The following CACNB2 variants were observed in gnomAD, a reference collection of about 807,000 sequenced individuals.
The protein encoded by CACNB2 is calcium voltage-gated channel auxiliary subunit beta 2, also known as voltage-dependent L-type calcium channel subunit beta-2.
Under a neutral mutation model 73.3 loss-of-function variants are expected in CACNB2, and 42 were observed. That is an observed-to-expected ratio of 0.57 (90% confidence interval 0.45 to 0.74). CACNB2 has a LOEUF of 0.74. CACNB2 is among the 30% of genes least tolerant of loss of function. CACNB2 has a pLI of 0.00. For missense variants in CACNB2, 940 were observed against 853.0 expected, an observed-to-expected ratio of 1.10 and a Z score of -1.27; for synonymous variants, 348 against 310.3, an observed-to-expected ratio of 1.12 and a Z score of -1.28.
At chr10:18,380,602 G>A (rs931899209) in intron 2 of CACNB2, among the ~76,000 whole-genome samples, 7 of 151,472 alleles carry the variant, frequency 4.6e-5, no homozygotes, top group African/African-American at 1.2e-4. Flanking sequence ...CTATAGGCAC[G>A]TGCCACCACG....
intron 2 of CACNB2, among the ~76,000 whole-genome samples, chr10:18,251,302 T>C (rs1389612955): frequency 6.6e-6 from 1 of 152,034 alleles, no homozygotes; most frequent in African/African-American, 2.4e-5. Flanking sequence ...TGGAATGTGA[T>C]GGCATGATCT....
Position 18,541,277 on chromosome 10 carries a change from T to C in CACNB2, c.*1553T>C, listed in dbSNP as rs1490354589. ...CAGAAGAAATCAGGGCAAAATGGGG[T>C]GACTTGAAGTGAATAAAATGTTAAG... On this transcript the variant is annotated 3_prime_UTR_variant, in exon 14 of 14. Transcript: ENST00000324631. 1 of 152,580 alleles carries C rather than the reference T, an allele frequency of 6.6e-6. No individual in the cohort carries two copies. Among genetic ancestry groups the C allele is most frequent in the South Asian group, 2.1e-4 (1 of 4,818 alleles). The allele number at this position is 152,580 out of a possible 1,614,324, so 9.5% of individuals were successfully genotyped here.
At chr10:18,187,003 T>C (rs890177455) in intron 2 of CACNB2, among the ~76,000 whole-genome samples, 4 of 152,114 alleles carry the variant, frequency 2.6e-5, no homozygotes, top group South Asian at 2.1e-4. Context: ...TGAATTAAAA[T>C]AAGCCCATGG....
intron 2 of CACNB2, among the ~76,000 whole-genome samples, chr10:18,346,549 C>T (rs991033851): frequency 2.0e-5 from 3 of 152,020 alleles, no homozygotes; most frequent in Non-Finnish European, 2.9e-5. Flanking sequence ...TTTCCTTCAA[C>T]CTTTGTTCAG....
At chr10:18,241,625 TG>T (rs1486677658) in intron 2 of CACNB2, among the ~76,000 whole-genome samples, 1 of 151,434 alleles carries the variant, frequency 6.6e-6, no homozygotes, top group Non-Finnish European at 1.5e-5. Context: ...AAGAGGTACA[TG>T]GGAAACAAAA....
At chr10:18,146,779 C>A (rs2131009201) in intron 1 of CACNB2, among the ~76,000 whole-genome samples, 1 of 152,260 alleles carries the variant, frequency 6.6e-6, no homozygotes, top group African/African-American at 2.4e-5. Context: ...AGCCACTGTG[C>A]CCAGCCTAAC....
At chr10:18,200,260 C>G (rs1288293738) in intron 2 of CACNB2, among the ~76,000 whole-genome samples, 1 of 149,776 alleles carries the variant, frequency 6.7e-6, no homozygotes. Flanking sequence ...ATTAATTATA[C>G]TCAAAAAAAA....
At chr10:18,484,202 T>A (rs1174477591) in intron 3 of CACNB2, among the ~76,000 whole-genome samples, 1 of 152,160 alleles carries the variant, frequency 6.6e-6, no homozygotes, top group African/African-American at 2.4e-5. Context: ...AAGACCAGCC[T>A]GGTCAACATG....
chr10:18,510,729 G>T (rs1449514784), intron 6 of CACNB2, among the ~76,000 whole-genome samples: 1 of 152,144 alleles, frequency 6.6e-6, no homozygotes, highest in Non-Finnish European at 1.5e-5. Context: ...ACATCCAACT[G>T]GTTATCTTCA....
At chr10:18,284,288 C>T (rs2038690807) in intron 2 of CACNB2, among the ~76,000 whole-genome samples, 2 of 152,262 alleles carry the variant, frequency 1.3e-5, no homozygotes, top group Admixed American at 6.5e-5. Flanking sequence ...ATGAGAACAG[C>T]AGGGAAAGAC....
In CACNB2 at chr10:18,275,704, T is replaced by A. The variant is rs368986464; in HGVS notation, c.213+124729T>A. Among the ~76,000 whole-genome samples the A allele has an allele frequency of 9.9e-5, 15 of 152,254 alleles. No homozygotes were observed. The East Asian group carries it at 2.9e-3, about 29-fold the overall frequency. On this transcript the variant is annotated intron_variant, in intron 2 of 13. Coordinates refer to ENST00000324631, the MANE Select transcript of CACNB2 (RefSeq NM_201596.3). ...TGAGTGGCTCATGAAGAAAATAAAA[T>A]TGGATTTTATTCTCCCATGCAACTC...
intron 2 of CACNB2, among the ~76,000 whole-genome samples, chr10:18,320,633 C>T (rs1158342049): frequency 6.6e-6 from 1 of 152,174 alleles, no homozygotes; most frequent in Admixed American, 6.5e-5. Context: ...ACTTCCCATG[C>T]CATTGTCATC....
At chr10:18,513,442 G>T in intron 6 of CACNB2, 1 of 218,020 alleles carries the variant, frequency 4.6e-6, no homozygotes, top group East Asian at 1.3e-4. Context: ...AGTAGTCGCT[G>T]TCAACTTCCA....
At chr10:18,518,233 G>C in intron 7 of CACNB2, 103 bp from the exon 8 acceptor site, 1 of 814,946 alleles carries the variant, frequency 1.2e-6, no homozygotes, top group Non-Finnish European at 2.2e-6. Context: ...TGTCTGGAAA[G>C]CCAGTGCCTC....
At chr10:18,403,528 A>C (rs1377197025) in intron 3 of CACNB2, among the ~76,000 whole-genome samples, 2 of 152,234 alleles carry the variant, frequency 1.3e-5, no homozygotes, top group African/African-American at 4.8e-5. Context: ...CTTATATGCC[A>C]TCATGATACA....
Position 18,539,807 on chromosome 10 carries a change from C to A in CACNB2, c.*83C>A. The A allele has an allele frequency of 2.2e-6, 3 of 1,343,090 alleles. No individual in the cohort carries two copies. Among genetic ancestry groups the A allele is most frequent in the Non-Finnish European group, 3.1e-6 (3 of 968,950 alleles). The allele number at this position is 1,343,090 out of a possible 1,614,324, so 83.2% of individuals were successfully genotyped here. On this transcript the variant is annotated 3_prime_UTR_variant, in exon 14 of 14. Transcript: ENST00000324631. ...ATCCCCAAAACAAAGTCTTTGGGGT[C>A]TACACTGCAATCATATGTGATCTGT...
chr10:18,393,159 G>A (rs1326499534), intron 2 of CACNB2, among the ~76,000 whole-genome samples: 2 of 147,370 alleles, frequency 1.4e-5, no homozygotes, highest in African/African-American at 5.0e-5. Context: ...CAGTGAGCCG[G>A]GATCGCCCCA....
At chr10:18,194,410 T>G (rs1360870468) in intron 2 of CACNB2, among the ~76,000 whole-genome samples, 4 of 152,080 alleles carry the variant, frequency 2.6e-5, no homozygotes, top group Admixed American at 1.3e-4. Flanking sequence ...AGGCTATAGC[T>G]CAGTTTGTCA....
At chr10:18,498,766 T>G (rs2049993448) in intron 4 of CACNB2, 1 of 355,068 alleles carries the variant, frequency 2.8e-6, no homozygotes, top group African/African-American at 2.1e-5. Flanking sequence ...TAACCTATAC[T>G]TTTTTTTAAT....
Sources: allele counts gnomAD v4.1 joint callset (sites outside exome capture counted in the v4.1 genomes callset), GRCh38; gene constraint gnomAD v4.1.1; transcripts MANE v1.5; gene names NCBI Gene and HGNC (gene_info 2026-07-23, HGNC 2026-07-21).